Variants in GAS6 observed in about 807,000 individuals in gnomAD.
The protein encoded by GAS6 is growth arrest specific 6, also known as growth arrest-specific protein 6.
GAS6 carries 41 observed loss-of-function variants against 75.8 expected under a neutral mutation model. The ratio of observed to expected loss-of-function variants is 0.54; its 90% CI spans 0.42 to 0.70. GAS6 has a LOEUF of 0.70. Among genes scored for constraint, GAS6 ranks in the 30% least tolerant of loss-of-function variants. GAS6 has a pLI of 0.00. For synonymous variants in GAS6, 432 were observed against 412.6 expected, an observed-to-expected ratio of 1.05 and a Z score of -0.57; for missense variants, 854 against 940.2, an observed-to-expected ratio of 0.91 and a Z score of 1.20.
At chr13:113,824,824 A>T (rs2051513484) in intron 12 of GAS6, among the ~76,000 whole-genome samples, 1 of 152,266 alleles carries the variant, frequency 6.6e-6, no homozygotes. Flanking sequence ...CAGAAAAAGT[A>T]ACAAAAATAT....
In GAS6 at chr13:113,845,144, AGGCCGGGCCACAG is replaced by A. The variant is rs1196026076; in HGVS notation, c.343+1370_343+1382del. 6.6e-6 allele frequency: 1 copy of A among 150,784 alleles called. No individual in the cohort carries two copies. The highest frequency in any genetic ancestry group is 1.5e-5 in the Non-Finnish European group (1 of 68,052). The allele number at this position is 150,784 out of a possible 1,614,324, so 9.3% of individuals were successfully genotyped here. ...ACTGTGCATGGTTGCAGGTCAGGGC[AGGCCGGGCCACAG>A]GGCAGGGCCACCCTCCCATTCCCAT... On this transcript the variant is annotated intron_variant, in intron 4 of 14. Coordinates refer to ENST00000327773, the MANE Select transcript of GAS6 (RefSeq NM_000820.4). This position sits in a 1 kb window ranked among gnomAD's most constrained non-coding sequence, Gnocchi z 4.3.
At position 113,840,040 on chromosome 13, in the gene GAS6, G is replaced by T. The variant is rs2051759777; in HGVS notation, c.344-190C>A. The T allele has an allele frequency of 9.6e-6, 7 of 729,370 alleles. No homozygotes were observed. In the East Asian group the frequency reaches 2.0e-4, roughly 21 times the overall value. 45.2% of individuals were successfully genotyped at this position (729,370 alleles called of 1,614,324 possible). On this transcript the variant is annotated intron_variant, in intron 4 of 14. Transcript: ENST00000327773. ...TAGGGCTGACAGAATAGGCTGGCGG[G>T]CCCTGGGGCCGGCTCCAGGAAAACT...
chr13:113,849,843 CAG>C (rs1441616448), intron 2 of GAS6, among the ~76,000 whole-genome samples: 1 of 152,124 alleles, frequency 6.6e-6, no homozygotes, highest in Non-Finnish European at 1.5e-5. Context: ...TTATTTGAGA[CAG>C]TAATGGAGGC....
rs889445240 is a variant in GAS6, at chr13:113,851,531, G to C, written c.256-3481C>G. Among the ~76,000 whole-genome samples the C allele has an allele frequency of 2.0e-5, 3 of 152,202 alleles. 1 individual carries two copies. Among genetic ancestry groups the C allele is most frequent in the Non-Finnish European group, 1.5e-5 (1 of 67,992 alleles). Reference sequence around the variant, plus strand: ...TGGGTGAGTGGGTGGGTGAATGGATGAGTGAATGGGTGGGTGAGTGAGTGG... The same window carrying C: ...TGGGTGAGTGGGTGGGTGAATGGATCAGTGAATGGGTGGGTGAGTGAGTGG... On this transcript the variant is annotated intron_variant, in intron 2 of 14. Transcript: ENST00000327773.
At chr13:113,834,783 A>C in intron 7 of GAS6, 111 bp from the exon 8 acceptor site, 2 of 1,207,290 alleles carry the variant, frequency 1.7e-6, no homozygotes, top group Non-Finnish European at 2.1e-6. Flanking sequence ...AAGGAATTAC[A>C]TGCAGATTCT....
rs55663865 is a variant in GAS6, at chr13:113,858,567, G to A, written c.255+5008C>T. Among the ~76,000 whole-genome samples the A allele has an allele frequency of 5.5e-3, 832 of 151,594 alleles. 4 individuals are homozygous for A. Among genetic ancestry groups the A allele is most frequent in the Non-Finnish European group, 9.5e-3 (645 of 67,990 alleles). On this transcript the variant is annotated intron_variant, in intron 2 of 14. Transcript: ENST00000327773. Reference sequence around the variant, plus strand: ...TACGTCTGCTAGTATGTGCCTTTGTGTGTGCATGTCTGTGTGTGACTGTGT... The same window carrying A: ...TACGTCTGCTAGTATGTGCCTTTGTATGTGCATGTCTGTGTGTGACTGTGT...
intron 3 of GAS6, chr13:113,846,841 G>T (rs550638214): frequency 7.5e-6 from 4 of 535,410 alleles, no homozygotes; most frequent in Non-Finnish European, 6.8e-6. Flanking sequence ...ACCGCCCGCC[G>T]TTTCGAGGGG....
intron 2 of GAS6, among the ~76,000 whole-genome samples, chr13:113,859,204 G>GTT (rs2051947664): frequency 6.9e-6 from 1 of 144,406 alleles, no homozygotes; most frequent in South Asian, 2.5e-4. Flanking sequence ...ATGTCTGTGT[G>GTT]TGTGACTGTG....
intron 4 of GAS6, chr13:113,842,416 C>G: frequency 5.1e-6 from 2 of 394,770 alleles, no homozygotes; most frequent in East Asian, 7.1e-5. Context: ...AAACGAGGAC[C>G]AGGACCAGGG....
chr13:113,823,568 C>T lies in GAS6; in HGVS notation c.1478-18G>A. ...GGTCCGCACTGCAATGAAAGCGGTG[C>T]ATTATAGGGTGGTATGCACGGTGGA... On this transcript the variant is annotated intron_variant, in intron 12 of 14. Transcript: ENST00000327773. The T allele has an allele frequency of 6.2e-7, 1 of 1,600,320 alleles. No individual in the cohort carries two copies. Among genetic ancestry groups the T allele is most frequent in the Non-Finnish European group, 8.5e-7 (1 of 1,171,374 alleles).
intron 2 of GAS6, among the ~76,000 whole-genome samples, chr13:113,857,958 C>T (rs192098077): frequency 2.6e-5 from 4 of 152,254 alleles, no homozygotes; most frequent in African/African-American, 9.6e-5. Flanking sequence ...CGGAAGACGG[C>T]CCTCAGAGGA....
At chr13:113,821,749 T>A in intron 14 of GAS6, 3 of 527,456 alleles carry the variant, frequency 5.7e-6, no homozygotes, top group Non-Finnish European at 1.0e-5. Context: ...CCCGTACGTG[T>A]TTCTCAGTCT....
chr13:113,833,251 C>T lies in GAS6; in HGVS notation c.835-499G>A, dbSNP rs552889257. On this transcript the variant is annotated intron_variant, in intron 8 of 14. Coordinates refer to ENST00000327773, the MANE Select transcript of GAS6 (RefSeq NM_000820.4). ...GCTGAGCCAGGCCTGCCCTGCCCAC[C>T]GTGGGCAGCCAGGGTGAGCTGGACA... 78 of 1,043,964 alleles carry T rather than the reference C, an allele frequency of 7.5e-5. No individual in the cohort carries two copies. In the African/African-American group the frequency reaches 1.1e-3, roughly 14 times the overall value. The allele number at this position is 1,043,964 out of a possible 1,614,324, so 64.7% of individuals were successfully genotyped here. A position where few individuals can be genotyped will look rare whatever the true frequency, so the allele number is the denominator to read the frequency against.
rs373425130 is a variant in GAS6, at chr13:113,862,508, A to G, written c.255+1067T>C. Among the ~76,000 whole-genome samples, 4 of 152,268 alleles carry G rather than the reference A, an allele frequency of 2.6e-5. No individual in the cohort carries two copies. The South Asian group carries it at 8.3e-4, about 32-fold the overall frequency. ...GAAAACAGAGAGGCCGGGGAGAGCG[A>G]CCAAGCTAGGCTGAGCTGAAGGAGG... is the stretch of plus-strand genomic sequence containing the variant. On this transcript the variant is annotated intron_variant, in intron 2 of 14. Coordinates refer to ENST00000327773, the MANE Select transcript of GAS6 (RefSeq NM_000820.4).
At chr13:113,836,068 AATCCTAAGACTTGAGC>A in intron 6 of GAS6, 1 of 993,160 alleles carries the variant, frequency 1.0e-6, no homozygotes, top group Non-Finnish European at 1.2e-6. Context: ...GTTAAACCAC[AATCCTAAGACTTGAGC>A]ATCTAATGTG....
intron 12 of GAS6, among the ~76,000 whole-genome samples, chr13:113,824,998 C>A (rs1441878447): frequency 1.3e-5 from 2 of 152,074 alleles, no homozygotes; most frequent in Non-Finnish European, 2.9e-5. Context: ...GTGGGTGGAT[C>A]ACCTAAGGTC....
chr13:113,827,655 G>A (rs1390162434), intron 11 of GAS6, among the ~76,000 whole-genome samples: 2 of 151,888 alleles, frequency 1.3e-5, no homozygotes, highest in Admixed American at 6.6e-5. Flanking sequence ...GGGAGCAGGT[G>A]CCCCTCACAA....
At chr13:113,835,143 TACGGCCA>T (rs555813361) in intron 7 of GAS6, among the ~76,000 whole-genome samples, 49 of 152,376 alleles carry the variant, frequency 3.2e-4, no homozygotes, top group African/African-American at 1.2e-3. Context: ...TTAGAGGCTC[TACGGCCA>T]ACAGGGCCCT....
At chr13:113,829,351 G>A (rs550935370) in intron 10 of GAS6, among the ~76,000 whole-genome samples, 1 of 58,524 alleles carries the variant, frequency 1.7e-5, no homozygotes, top group East Asian at 4.4e-4. Context: ...ATCCTCACCT[G>A]GCCAAGAGGG....
Sources: allele counts gnomAD v4.1 joint callset (sites outside exome capture counted in the v4.1 genomes callset), GRCh38; gene constraint gnomAD v4.1.1; non-coding constraint Gnocchi (gnomAD v3.1); transcripts MANE v1.5; gene names NCBI Gene and HGNC (gene_info 2026-07-23, HGNC 2026-07-21).